FHIT: variants seen among roughly 807,000 people sequenced by gnomAD.
FHIT encodes fragile histidine triad diadenosine triphosphatase.
In FHIT, 19 loss-of-function variants were observed where a neutral mutation model predicts 17.9. That is an observed-to-expected ratio of 1.06 (90% confidence interval 0.74 to 1.56). The LOEUF is 1.56. Ranked by LOEUF, FHIT falls within the 40% of genes most tolerant of loss-of-function variation. The pLI, the probability that FHIT is intolerant of heterozygous loss-of-function variation, is 0.00. For missense variants in FHIT, 248 were observed against 189.2 expected (o/e 1.31, Z -1.82); for synonymous variants, 81 against 69.7 (o/e 1.16, Z -0.81).
intron 5 of FHIT, among the ~76,000 whole-genome samples, chr3:60,073,601 G>C (rs1008317310): frequency 6.6e-6 from 1 of 151,970 alleles, no homozygotes; most frequent in African/African-American, 2.4e-5. Context: ...ACCCCTCATC[G>C]TTTTCAGCCC....
At chr3:60,440,693 T>C (rs1428788240) in intron 5 of FHIT, among the ~76,000 whole-genome samples, 2 of 152,058 alleles carry the variant, frequency 1.3e-5, no homozygotes, top group Non-Finnish European at 2.9e-5. Flanking sequence ...AGATAAAATT[T>C]ATATAAATCC....
intron 8 of FHIT, among the ~76,000 whole-genome samples, chr3:59,790,590 T>G (rs926217424): frequency 1.9e-4 from 29 of 152,174 alleles, no homozygotes; most frequent in Admixed American, 1.4e-3. Flanking sequence ...TGATTGATTG[T>G]AGGAGGAGAA....
intron 1 of FHIT, among the ~76,000 whole-genome samples, chr3:61,212,510 C>T (rs552088258): frequency 6.6e-6 from 1 of 152,152 alleles, no homozygotes; most frequent in African/African-American, 2.4e-5. Flanking sequence ...TGTGAAAACA[C>T]CAAATCTACG....
At chr3:60,745,165 A>G (rs1204233081) in intron 4 of FHIT, among the ~76,000 whole-genome samples, 1 of 152,212 alleles carries the variant, frequency 6.6e-6, no homozygotes, top group Non-Finnish European at 1.5e-5. Context: ...TGACCCTCTG[A>G]AAGGTGTATA....
intron 5 of FHIT, among the ~76,000 whole-genome samples, chr3:60,318,404 A>C (rs557566873): frequency 6.6e-6 from 1 of 152,230 alleles, no homozygotes; most frequent in Non-Finnish European, 1.5e-5. Context: ...CAAAAGTTGC[A>C]AAGAAAGGCA....
At chr3:59,770,262 G>T (rs925452113) in intron 8 of FHIT, among the ~76,000 whole-genome samples, 4 of 152,168 alleles carry the variant, frequency 2.6e-5, no homozygotes, top group African/African-American at 9.7e-5. Flanking sequence ...ACTATAGGTT[G>T]AATTGCATCC....
At chr3:59,926,525 T>C (rs887419429) in intron 7 of FHIT, among the ~76,000 whole-genome samples, 1 of 152,202 alleles carries the variant, frequency 6.6e-6, no homozygotes, top group Non-Finnish European at 1.5e-5. Context: ...ACTGGGCCAC[T>C]CTAACGTTTG....
At position 60,773,270 on chromosome 3, in the gene FHIT, G is replaced by A. The variant is rs561928879; in HGVS notation, c.-18+48649C>T. On this transcript the variant is annotated intron_variant, in intron 4 of 9. Coordinates refer to ENST00000492590, the MANE Select transcript of FHIT (RefSeq NM_002012.4). ...AAAGACACATCGAAACAGTTAAAAC[G>A]CAACAGTTATCCCAAGGTCAAAACC... is the stretch of plus-strand genomic sequence containing the variant. Among the ~76,000 whole-genome samples the A allele has an allele frequency of 5.9e-5, 9 of 152,262 alleles. 1 individual carries two copies. The highest frequency in any genetic ancestry group is 4.1e-4 in the South Asian group (2 of 4,828).
At chr3:60,364,665 G>A (rs780142175) in intron 5 of FHIT, among the ~76,000 whole-genome samples, 1 of 152,218 alleles carries the variant, frequency 6.6e-6, no homozygotes, top group Non-Finnish European at 1.5e-5. Context: ...GCTAAGAGAT[G>A]CCCAGATAAC....
At chr3:61,046,991 C>CT (rs1355229521) in intron 2 of FHIT, among the ~76,000 whole-genome samples, 1 of 152,106 alleles carries the variant, frequency 6.6e-6, no homozygotes, top group Non-Finnish European at 1.5e-5. Flanking sequence ...TGGGATGTAT[C>CT]TCAAAATAAT....
At chr3:60,820,086 T>C (rs893047375) in intron 4 of FHIT, among the ~76,000 whole-genome samples, 1 of 152,096 alleles carries the variant, frequency 6.6e-6, no homozygotes, top group South Asian at 2.1e-4. Context: ...GGTGGGTGGA[T>C]CACTTGAGGT....
intron 3 of FHIT, among the ~76,000 whole-genome samples, chr3:61,018,922 G>C (rs1318518262): frequency 1.3e-5 from 2 of 152,034 alleles, no homozygotes; most frequent in African/African-American, 4.8e-5. Context: ...TGATAAACCT[G>C]AAAGATAATA....
chr3:60,971,753 T>C (rs1466175141), intron 3 of FHIT, among the ~76,000 whole-genome samples: 1 of 152,194 alleles, frequency 6.6e-6, no homozygotes, highest in East Asian at 1.9e-4. Context: ...TCTTTTCTCT[T>C]TTCCCATAAA....
intron 5 of FHIT, among the ~76,000 whole-genome samples, chr3:60,125,006 T>C (rs979219050): frequency 2.0e-5 from 3 of 152,212 alleles, no homozygotes; most frequent in South Asian, 4.1e-4. Flanking sequence ...TTCTCACGCA[T>C]GTCTCTTACA....
At chr3:61,140,022 CAA>C (rs112352685) in intron 2 of FHIT, among the ~76,000 whole-genome samples, 36 of 109,942 alleles carry the variant, frequency 3.3e-4, no homozygotes, top group Non-Finnish European at 3.4e-4. Flanking sequence ...CAAGAGAAAG[CAA>C]AAAAAAAAAA....
At chr3:60,773,372 A>G (rs1465807778) in intron 4 of FHIT, among the ~76,000 whole-genome samples, 1 of 152,154 alleles carries the variant, frequency 6.6e-6, no homozygotes, top group Non-Finnish European at 1.5e-5. Context: ...CTTCATCTCC[A>G]TAATCATATG....
intron 4 of FHIT, among the ~76,000 whole-genome samples, chr3:60,569,755 A>ATACATATATATATATATATATAT: frequency 1.3e-5 from 1 of 77,344 alleles, no homozygotes; most frequent in Non-Finnish European, 2.3e-5. Flanking sequence ...ATATATATAT[A>ATACATATATATATATATATATAT]TTTTTTTTTT....
At chr3:61,223,712 T>C (rs577725672) in intron 1 of FHIT, among the ~76,000 whole-genome samples, 2 of 152,226 alleles carry the variant, frequency 1.3e-5, no homozygotes, top group African/African-American at 2.4e-5. Flanking sequence ...CTGACTCGAG[T>C]GAGGGGCATT....
chr3:60,599,349 G>T (rs1423545924), intron 4 of FHIT, among the ~76,000 whole-genome samples: 2 of 152,070 alleles, frequency 1.3e-5, no homozygotes, highest in African/African-American at 4.8e-5. Flanking sequence ...CAAACAATGT[G>T]GTCACCTGCA....
Sources: gnomAD v4.1 joint callset for allele counts (sites outside exome capture counted in the v4.1 genomes callset) on GRCh38, gnomAD v4.1.1 for gene constraint, MANE v1.5 for transcripts, NCBI Gene and HGNC (gene_info 2026-07-23, HGNC 2026-07-21) for gene names.